Variants in SIL1 observed in about 807,000 individuals in gnomAD.
SIL1 encodes the protein SIL1 nucleotide exchange factor, also known as nucleotide exchange factor SIL1.
Under a neutral mutation model 49.1 loss-of-function variants are expected in SIL1, and 40 were observed. The observed-to-expected ratio is 0.81, with a 90% CI of 0.63 to 1.06. The LOEUF (loss-of-function observed/expected upper bound fraction) is 1.06. Among genes scored for constraint, SIL1 ranks in the 50% least tolerant of loss-of-function variants. The pLI is 0.00. For missense variants in SIL1, 500 were observed against 572.6 expected, an observed-to-expected ratio of 0.87 and a Z score of 1.29; for synonymous variants, 253 against 250.8, an observed-to-expected ratio of 1.01 and a Z score of -0.08.
At chr5:139,130,407 C>T (rs888782540) in intron 1 of SIL1, among the ~76,000 whole-genome samples, 11 of 152,108 alleles carry the variant, frequency 7.2e-5, no homozygotes, top group Admixed American at 7.2e-4. Context: ...GAGGGAAATG[C>T]AAATCAAAAC....
At chr5:138,951,118 C>T (rs1766762484) in intron 9 of SIL1, 53 bp downstream of exon 9, 2 of 1,585,044 alleles carry the variant, frequency 1.3e-6, no homozygotes, top group South Asian at 2.3e-5. Flanking sequence ...TCCATCCACC[C>T]AGAAGCACAC....
intron 7 of SIL1, among the ~76,000 whole-genome samples, chr5:139,004,472 C>G (rs530823610): frequency 6.6e-6 from 1 of 152,252 alleles, no homozygotes; most frequent in African/African-American, 2.4e-5. Context: ...GAGGTTTATT[C>G]TCTTTATTCT....
chr5:139,089,984 G>A (rs1770307217), intron 3 of SIL1, among the ~76,000 whole-genome samples: 1 of 151,988 alleles, frequency 6.6e-6, no homozygotes, highest in South Asian at 2.1e-4. Flanking sequence ...GTAAGAAAAA[G>A]AATAAAGAAA....
At chr5:139,192,565 T>C (rs1392664259) in intron 1 of SIL1, among the ~76,000 whole-genome samples, 1 of 152,126 alleles carries the variant, frequency 6.6e-6, no homozygotes, top group African/African-American at 2.4e-5. Flanking sequence ...TCCCAAAGGT[T>C]CCGATGTCCA....
intron 1 of SIL1, among the ~76,000 whole-genome samples, chr5:139,136,621 G>A (rs1168641698): frequency 1.3e-5 from 2 of 152,126 alleles, no homozygotes. Context: ...ACAATGTCAG[G>A]AGATCAGTCA....
At chr5:139,076,682 T>C (rs989728947) in intron 3 of SIL1, among the ~76,000 whole-genome samples, 7 of 152,078 alleles carry the variant, frequency 4.6e-5, no homozygotes, top group South Asian at 2.1e-4. Context: ...GGACACAATG[T>C]CAAAAAGCTC....
At chr5:138,993,069 G>A (rs1767791079) in intron 7 of SIL1, among the ~76,000 whole-genome samples, 1 of 152,154 alleles carries the variant, frequency 6.6e-6, no homozygotes, top group Non-Finnish European at 1.5e-5. Flanking sequence ...AAAGTATAAA[G>A]ACTATATTTC....
intron 5 of SIL1, among the ~76,000 whole-genome samples, chr5:139,039,108 G>C (rs763611964): frequency 7.2e-5 from 11 of 152,134 alleles, no homozygotes; most frequent in Non-Finnish European, 1.2e-4. Flanking sequence ...AGTATCCATT[G>C]GGCAGAGGAT....
intron 2 of SIL1, among the ~76,000 whole-genome samples, chr5:139,123,118 C>T (rs1039124314): frequency 6.6e-6 from 1 of 152,176 alleles, no homozygotes; most frequent in African/African-American, 2.4e-5. Context: ...GTTGTGACAT[C>T]CAGGAGTGAC....
At chr5:139,113,065 A>G (rs1770904883) in intron 3 of SIL1, among the ~76,000 whole-genome samples, 1 of 152,132 alleles carries the variant, frequency 6.6e-6, no homozygotes, top group Admixed American at 6.5e-5. Flanking sequence ...GGGTGGTGCA[A>G]GATGTGCTTT....
At chr5:139,049,793 TAA>T (rs746363870) in intron 4 of SIL1, among the ~76,000 whole-genome samples, 42 of 117,520 alleles carry the variant, frequency 3.6e-4, no homozygotes, top group Admixed American at 4.4e-4. Flanking sequence ...ACCCTATCTC[TAA>T]AAAAAAAAAA....
chr5:139,156,446 G>T (rs971376406), intron 1 of SIL1, among the ~76,000 whole-genome samples: 2 of 151,878 alleles, frequency 1.3e-5, no homozygotes, highest in East Asian at 3.9e-4. Flanking sequence ...TGTAATCCCA[G>T]CTACTTGGAA....
intron 3 of SIL1, among the ~76,000 whole-genome samples, chr5:139,062,632 C>A (rs1456488942): frequency 6.6e-6 from 1 of 152,126 alleles, no homozygotes; most frequent in African/African-American, 2.4e-5. Context: ...TGGTGACCAA[C>A]CATTCTACAC....
chr5:139,048,739 T>G (rs974360235), intron 4 of SIL1, among the ~76,000 whole-genome samples: 1 of 152,256 alleles, frequency 6.6e-6, no homozygotes, highest in Admixed American at 6.5e-5. Flanking sequence ...TTGGATTACA[T>G]GTGAGAAAAG....
intron 1 of SIL1, among the ~76,000 whole-genome samples, chr5:139,165,985 T>G (rs566007510): frequency 6.6e-6 from 1 of 152,142 alleles, no homozygotes; most frequent in Non-Finnish European, 1.5e-5. Context: ...ATGTATTTGA[T>G]TGATGTCTTG....
intron 1 of SIL1, among the ~76,000 whole-genome samples, chr5:139,189,280 T>A (rs1336858270): frequency 6.6e-6 from 1 of 152,210 alleles, no homozygotes; most frequent in Non-Finnish European, 1.5e-5. Context: ...AACGCTTGCA[T>A]TAACGCCTGA....
chr5:139,170,690 A>G (rs932325475), intron 1 of SIL1, among the ~76,000 whole-genome samples: 2 of 147,126 alleles, frequency 1.4e-5, no homozygotes, highest in South Asian at 2.2e-4. Flanking sequence ...CCGTCTGAGA[A>G]GTGAGGAGCC....
intron 3 of SIL1, among the ~76,000 whole-genome samples, chr5:139,058,272 G>A (rs1461106366): frequency 6.6e-6 from 1 of 151,954 alleles, no homozygotes; most frequent in African/African-American, 2.4e-5. Flanking sequence ...AAGGAATGAG[G>A]ATTGACCACT....
chr5:139,002,235 A>G (rs1768002512), intron 7 of SIL1, among the ~76,000 whole-genome samples: 1 of 152,050 alleles, frequency 6.6e-6, no homozygotes, highest in Non-Finnish European at 1.5e-5. Context: ...TAGATATGAT[A>G]CACACCAAAT....
Sources: gnomAD v4.1 joint callset for allele counts (sites outside exome capture counted in the v4.1 genomes callset) on GRCh38, gnomAD v4.1.1 for gene constraint, MANE v1.5 for transcripts, NCBI Gene and HGNC (gene_info 2026-07-23, HGNC 2026-07-21) for gene names.